Variants in PON3 observed in about 807,000 individuals in gnomAD.
The protein encoded by PON3 is paraoxonase 3, also known as serum paraoxonase/lactonase 3.
In PON3, 37 loss-of-function variants were observed where a neutral mutation model predicts 36.3. That is an observed-to-expected ratio of 1.02 (90% confidence interval 0.78 to 1.34). The LOEUF (loss-of-function observed/expected upper bound fraction) is 1.34. Ranked by LOEUF, PON3 falls within the 40% of genes most tolerant of loss-of-function variation. PON3 has a pLI of 0.00. For synonymous variants in PON3, 155 were observed against 154.8 expected, an observed-to-expected ratio of 1.00 and a Z score of -0.01; for missense variants, 415 against 426.5, an observed-to-expected ratio of 0.97 and a Z score of 0.24.
intron 3 of PON3, among the ~76,000 whole-genome samples, chr7:95,381,587 A>T (rs1809055593): frequency 6.6e-6 from 1 of 152,206 alleles, no homozygotes; most frequent in Non-Finnish European, 1.5e-5. Context: ...AAACCAACAA[A>T]GATCAAAACA....
chr7:95,385,662 A>C (rs1321462779), intron 3 of PON3, among the ~76,000 whole-genome samples: 1 of 152,156 alleles, frequency 6.6e-6, no homozygotes, highest in Admixed American at 6.6e-5. Context: ...TGACCACATA[A>C]TTGGAAGTAA....
intron 3 of PON3, among the ~76,000 whole-genome samples, chr7:95,385,799 C>T (rs900502842): frequency 6.7e-6 from 1 of 150,142 alleles, no homozygotes; most frequent in Non-Finnish European, 1.5e-5. Flanking sequence ...AACTGAACAA[C>T]CTGTTCCTGA....
rs201544566 is a variant in PON3, at chr7:95,364,062, C to T, written c.496G>A (p.Val166Met). The T allele has an allele frequency of 4.2e-4, 674 of 1,613,394 alleles. 5 individuals carry two copies. In the Middle Eastern group the frequency reaches 7.9e-3, roughly 19 times the overall value. ...KTIKHELLKS[V>M]NDIVVLGPEQ... is the part of the protein sequence containing the mutation. ...GGTCCAAGAACCACAATGTCATTCA[C>T]ACTAAAGTGAAAGGGAGGTGGAAAA... The change falls in exon 6 of 9, where the codon GTG (valine) becomes ATG (methionine). Residue 166 changes from valine (V) to methionine (M), a missense_variant and splice_region_variant. Coordinates refer to ENST00000265627, the MANE Select transcript of PON3 (RefSeq NM_000940.3).
chr7:95,378,127 C>A (rs1808961984), intron 3 of PON3, among the ~76,000 whole-genome samples: 1 of 152,008 alleles, frequency 6.6e-6, no homozygotes, highest in Admixed American at 6.5e-5. Context: ...GCTTCAATAG[C>A]CGATTTGATC....
At chr7:95,366,416 A>G (rs907113335) in intron 5 of PON3, among the ~76,000 whole-genome samples, 2 of 152,166 alleles carry the variant, frequency 1.3e-5, no homozygotes, top group Non-Finnish European at 2.9e-5. Context: ...TCTTACTTCT[A>G]TGCTCTGCAC....
chr7:95,368,288 A>C (rs1413464101), intron 4 of PON3, among the ~76,000 whole-genome samples: 1 of 152,100 alleles, frequency 6.6e-6, no homozygotes, highest in Non-Finnish European at 1.5e-5. Context: ...TCCTTTCCCA[A>C]ATGTAGTTTT....
intron 3 of PON3, among the ~76,000 whole-genome samples, chr7:95,387,270 TAAGCA>T (rs1284298929): frequency 6.6e-6 from 1 of 152,206 alleles, no homozygotes; most frequent in Non-Finnish European, 1.5e-5. Flanking sequence ...CTTCAGCTGA[TAAGCA>T]ACTTCAGCAA....
At chr7:95,372,434 A>T in intron 3 of PON3, 96 bp from the exon 4 acceptor site, 2 of 1,384,172 alleles carry the variant, frequency 1.4e-6, no homozygotes, top group Non-Finnish European at 2.0e-6. Context: ...AAAATGTTCA[A>T]AGTTCTAAAT....
intron 3 of PON3, among the ~76,000 whole-genome samples, chr7:95,374,923 A>G (rs1417871880): frequency 1.3e-5 from 2 of 152,096 alleles, no homozygotes; most frequent in African/African-American, 2.4e-5. Flanking sequence ...GATCTTATAC[A>G]TAAAGATTCA....
intron 4 of PON3, among the ~76,000 whole-genome samples, chr7:95,368,892 T>C (rs1808754157): frequency 6.6e-6 from 1 of 151,234 alleles, no homozygotes; most frequent in Admixed American, 6.6e-5. Context: ...TGCAATGAAA[T>C]AGTTTCAGGT....
chr7:95,387,053 G>A (rs1181528180), intron 3 of PON3, among the ~76,000 whole-genome samples: 2 of 152,136 alleles, frequency 1.3e-5, no homozygotes, highest in Non-Finnish European at 2.9e-5. Context: ...AAAACTGGAA[G>A]CATTCCATTT....
At chr7:95,389,805 C>A (rs1159171575) in intron 3 of PON3, among the ~76,000 whole-genome samples, 1 of 152,128 alleles carries the variant, frequency 6.6e-6, no homozygotes, top group South Asian at 2.1e-4. Flanking sequence ...AAGATGACTA[C>A]CAGAAGCGGA....
chr7:95,392,869 A>T (rs1390006127), intron 2 of PON3, among the ~76,000 whole-genome samples: 1 of 152,212 alleles, frequency 6.6e-6, no homozygotes, highest in African/African-American at 2.4e-5. Flanking sequence ...CCTTGCAACC[A>T]TTCCTTCTGA....
intron 4 of PON3, among the ~76,000 whole-genome samples, chr7:95,370,524 G>A (rs564786105): frequency 6.6e-6 from 1 of 152,166 alleles, no homozygotes; most frequent in Admixed American, 6.5e-5. Flanking sequence ...AAAATTGTTA[G>A]ATTCAATTAT....
intron 2 of PON3, 140 bp downstream of exon 2, chr7:95,394,504 T>C (rs1809386832): frequency 6.9e-6 from 5 of 729,582 alleles, no homozygotes; most frequent in East Asian, 2.7e-5. Context: ...AGACCTTGCA[T>C]GGGGCAGAGT....
intron 4 of PON3, among the ~76,000 whole-genome samples, chr7:95,370,668 T>G (rs1808790441): frequency 6.6e-6 from 1 of 152,204 alleles, no homozygotes; most frequent in Non-Finnish European, 1.5e-5. Flanking sequence ...CTTCATGCTG[T>G]ATAGACCCAA....
At chr7:95,378,728 T>A (rs1261501705) in intron 3 of PON3, among the ~76,000 whole-genome samples, 2 of 152,166 alleles carry the variant, frequency 1.3e-5, no homozygotes, top group African/African-American at 4.8e-5. Context: ...CTGCCAGGCC[T>A]GCCTTACAAG....
intron 3 of PON3, among the ~76,000 whole-genome samples, chr7:95,374,207 G>A (rs944185579): frequency 6.6e-6 from 1 of 152,104 alleles, no homozygotes; most frequent in African/African-American, 2.4e-5. Flanking sequence ...ATTATGAGTG[G>A]ATGACTTTAC....
chr7:95,390,481 C>T (rs1562778265), intron 2 of PON3, among the ~76,000 whole-genome samples: 1 of 152,120 alleles, frequency 6.6e-6, no homozygotes, highest in Admixed American at 6.5e-5. Flanking sequence ...AACTCATATC[C>T]TAGATTTACT....
Sources: allele counts gnomAD v4.1 joint callset (sites outside exome capture counted in the v4.1 genomes callset), GRCh38; gene constraint gnomAD v4.1.1; transcripts MANE v1.5; gene names NCBI Gene and HGNC (gene_info 2026-07-23, HGNC 2026-07-21).